The following PCDHA9 variants were observed in gnomAD, a reference collection of about 807,000 sequenced individuals.
PCDHA9 encodes the protein protocadherin alpha 9, also known as protocadherin alpha-9.
In PCDHA9, 62 loss-of-function variants were observed where a neutral mutation model predicts 62.0. The ratio of observed to expected loss-of-function variants is 1.00; its 90% CI spans 0.81 to 1.23. The LOEUF (loss-of-function observed/expected upper bound fraction) is 1.23. Among genes scored for constraint, PCDHA9 ranks in the 50% most tolerant of loss-of-function variants. PCDHA9 has a pLI of 0.00. For synonymous variants in PCDHA9, 557 were observed against 567.6 expected (o/e 0.98, Z 0.27); for missense variants, 1,205 against 1,249.8 (o/e 0.96, Z 0.54).
Position 141,009,922 on chromosome 5 carries a change from C to G in PCDHA9, c.2838C>G (p.Asp946Glu), listed in dbSNP as rs1554262572. 6.2e-7 allele frequency: 1 copy of G among 1,608,774 alleles called. No individual in the cohort carries two copies. Among genetic ancestry groups the G allele is most frequent in the South Asian group, 1.1e-5 (1 of 90,050 alleles). The change falls in exon 4 of 4, where the codon GAC becomes GAG. Residue 946 changes from aspartate to glutamate, a missense_variant. Coordinates refer to ENST00000532602, the MANE Select transcript of PCDHA9 (RefSeq NM_031857.2). ...AAGAGAAAGGGAACAGCACGACTGACAACAGTGACCAGTGAGGTCCTCAAA... is the reference window on the plus strand; with the variant it reads ...AAGAGAAAGGGAACAGCACGACTGAGAACAGTGACCAGTGAGGTCCTCAAA... ...EKKEKGNSTT[D>E]NSDQ
intron 1 of PCDHA9, chr5:140,858,274 G>T: frequency 6.3e-7 from 1 of 1,597,416 alleles, no homozygotes; most frequent in Non-Finnish European, 8.6e-7. Flanking sequence ...GCTCTAGCGC[G>T]GTGGGGAGCT....
chr5:140,966,290 G>A (rs2095989541), intron 1 of PCDHA9: 3 of 375,186 alleles, frequency 8.0e-6, no homozygotes, highest in Non-Finnish European at 1.4e-5. Flanking sequence ...GGGGTAGGGA[G>A]AAAGGGAGTG....
chr5:140,857,086 A>G, intron 1 of PCDHA9: 1 of 1,596,918 alleles, frequency 6.3e-7, no homozygotes, highest in South Asian at 1.1e-5. Context: ...ATGATAATTC[A>G]CCTGAGGTGA....
At chr5:140,994,325 A>G (rs879964488) in intron 3 of PCDHA9, among the ~76,000 whole-genome samples, 8 of 152,190 alleles carry the variant, frequency 5.3e-5, no homozygotes, top group African/African-American at 7.2e-5. Flanking sequence ...ACTCTCAGCA[A>G]CCATGAACAG....
intron 1 of PCDHA9, among the ~76,000 whole-genome samples, chr5:140,913,995 A>T (rs541070374): frequency 6.6e-6 from 1 of 152,288 alleles, no homozygotes; most frequent in Admixed American, 6.5e-5. Context: ...TGTGACTAGC[A>T]TATGGTCTAT....
rs782058857 is a variant in PCDHA9 at position 140,870,963 on chromosome 5, G to A, written c.2394+20074G>A. Reference sequence around the variant, plus strand: ...CGGCGGCGGGCGGCTCGCGCATCCCGTTCCGCGTGGGGCTGTACACGGGCG... The same window carrying A: ...CGGCGGCGGGCGGCTCGCGCATCCCATTCCGCGTGGGGCTGTACACGGGCG... On this transcript the variant is annotated intron_variant, in intron 1 of 3. Coordinates refer to ENST00000532602, the MANE Select transcript of PCDHA9 (RefSeq NM_031857.2). 1.4e-5 allele frequency: 22 copies of A among 1,613,504 alleles called. 1 individual carries two copies. The highest frequency in any genetic ancestry group is 1.9e-5 in the Non-Finnish European group (22 of 1,179,890).
chr5:140,917,574 A>AT (rs2078267630), intron 1 of PCDHA9, among the ~76,000 whole-genome samples: 2 of 152,154 alleles, frequency 1.3e-5, no homozygotes, highest in Non-Finnish European at 2.9e-5. Context: ...TCTCAGGCTG[A>AT]TTTTTGTTCA....
intron 1 of PCDHA9, chr5:140,868,546 A>T (rs1356639258): frequency 1.3e-5 from 2 of 152,640 alleles, no homozygotes; most frequent in African/African-American, 2.4e-5. Context: ...TTCAAATTTG[A>T]TAGTATTTTT....
intron 1 of PCDHA9, among the ~76,000 whole-genome samples, chr5:140,896,597 G>A (rs577303751): frequency 1.3e-5 from 2 of 151,484 alleles, no homozygotes; most frequent in African/African-American, 4.8e-5. Flanking sequence ...GGCTGGTCTC[G>A]AACTCCTGGT....
At chr5:140,927,630 A>C in intron 1 of PCDHA9, 1 of 1,614,182 alleles carries the variant, frequency 6.2e-7, no homozygotes, top group Non-Finnish European at 8.5e-7. Context: ...CAGAGACTGC[A>C]CCCAATGGGA....
At chr5:140,995,410 T>C (rs555899259) in intron 3 of PCDHA9, among the ~76,000 whole-genome samples, 1 of 152,310 alleles carries the variant, frequency 6.6e-6, no homozygotes, top group Non-Finnish European at 1.5e-5. Flanking sequence ...CGAGATTTCA[T>C]CACATTACTC....
At chr5:140,870,229 C>A (rs781897836) in intron 1 of PCDHA9, 3 of 1,614,046 alleles carry the variant, frequency 1.9e-6, no homozygotes, top group South Asian at 1.1e-5. Flanking sequence ...CGTGTCTGAC[C>A]GTGACTCAGG....
At chr5:140,991,481 A>G (rs1272675537) in intron 3 of PCDHA9, among the ~76,000 whole-genome samples, 3 of 152,226 alleles carry the variant, frequency 2.0e-5, no homozygotes, top group Non-Finnish European at 2.9e-5. Flanking sequence ...TCTGGAAGTC[A>G]GAAGTCCACA....
chr5:140,852,885 ATTT>A, intron 1 of PCDHA9: 4 of 778,030 alleles, frequency 5.1e-6, no homozygotes, highest in Non-Finnish European at 6.3e-6. Flanking sequence ...CATAAAACGT[ATTT>A]TTTTTTTTGA....
intron 1 of PCDHA9, among the ~76,000 whole-genome samples, chr5:140,906,235 C>G (rs1319955366): frequency 1.3e-5 from 2 of 152,174 alleles, no homozygotes; most frequent in African/African-American, 4.8e-5. Flanking sequence ...CTCCCCTTGT[C>G]AACTTGAACC....
rs193129915 is a variant in PCDHA9 at position 140,907,396 on chromosome 5, T to C, written c.2394+56507T>C. On this transcript the variant is annotated intron_variant, in intron 1 of 3. Coordinates refer to ENST00000532602, the MANE Select transcript of PCDHA9 (RefSeq NM_031857.2). The stretch of plus-strand genomic sequence containing the variant: ...TGAGTGCCTTGGTCAAAGGCAATGC[T>C]GTGTGGAATACCACGATGGTGGATA... Among the ~76,000 whole-genome samples, 1,220 of 152,314 alleles carry C rather than the reference T, an allele frequency of 8.0e-3. 6 individuals are homozygous for C. Among genetic ancestry groups the C allele is most frequent in the African/African-American group, 0.019 (787 of 41,564 alleles).
intron 1 of PCDHA9, among the ~76,000 whole-genome samples, chr5:140,887,546 T>C (rs1554183101): frequency 1.3e-5 from 2 of 152,114 alleles, no homozygotes; most frequent in Non-Finnish European, 2.9e-5. Flanking sequence ...CCACCCCTCA[T>C]GGTTACTGTT....
In PCDHA9 at chr5:140,853,662, T is replaced by C. The variant is rs1319921056; in HGVS notation, c.2394+2773T>C. The C allele has an allele frequency of 3.4e-5, 34 of 988,522 alleles. 1 individual carries two copies. In the African/African-American group the frequency reaches 3.9e-4, roughly 11 times the overall value. 61.2% of individuals were successfully genotyped at this position (988,522 alleles called of 1,614,324 possible). ...CTAAATTGAGCCTGTTCCAGACAAA[T>C]TGGGGCCTATGGTCAACCTATCCTT... On this transcript the variant is annotated intron_variant, in intron 1 of 3. Coordinates refer to ENST00000532602, the MANE Select transcript of PCDHA9 (RefSeq NM_031857.2).
chr5:140,995,285 C>G (rs1179283452), intron 3 of PCDHA9, among the ~76,000 whole-genome samples: 1 of 152,048 alleles, frequency 6.6e-6, no homozygotes, highest in African/African-American at 2.4e-5. Flanking sequence ...ACCAAAACAG[C>G]CAGTCGGATA....
Sources: allele counts gnomAD v4.1 joint callset (sites outside exome capture counted in the v4.1 genomes callset), GRCh38; gene constraint gnomAD v4.1.1; transcripts MANE v1.5; gene names NCBI Gene and HGNC (gene_info 2026-07-23, HGNC 2026-07-21).